The following HOMER2 variants were observed in gnomAD, a reference collection of about 807,000 sequenced individuals.
The protein encoded by HOMER2 is homer scaffold protein 2.
A neutral mutation model predicts 47.0 loss-of-function variants in HOMER2; 27 were observed. The observed-to-expected ratio is 0.57, with a 90% CI of 0.42 to 0.79. HOMER2 has a LOEUF of 0.79. Ranked by LOEUF, HOMER2 falls within the 30% of genes least tolerant of loss-of-function variation. HOMER2 has a pLI of 0.00. For missense variants in HOMER2, 443 were observed against 435.0 expected (o/e 1.02, Z -0.16); for synonymous variants, 161 against 163.8 (o/e 0.98, Z 0.13).
intron 2 of HOMER2, among the ~76,000 whole-genome samples, chr15:82,880,283 ACT>A (rs569634268): frequency 6.6e-4 from 100 of 152,280 alleles, no homozygotes; most frequent in Non-Finnish European, 1.3e-3. Flanking sequence ...TTTAAAAATT[ACT>A]CTCTGACCCT....
At chr15:82,868,542 T>TATATATATATATATATATATATATATA (rs370867216) in intron 3 of HOMER2, among the ~76,000 whole-genome samples, 20 of 42,656 alleles carry the variant, frequency 4.7e-4, no homozygotes, top group African/African-American at 1.2e-3. Context: ...TATATATATA[T>TATATATATATATATATATATATATATA]TTTTTTTTTT....
In HOMER2 at chr15:82,868,742, G is replaced by T. The variant is rs2052076660; in HGVS notation, c.295-4483C>A. On this transcript the variant is annotated intron_variant, in intron 3 of 8. Coordinates refer to ENST00000450735, the MANE Select transcript of HOMER2 (RefSeq NM_004839.4). The stretch of plus-strand genomic sequence containing the variant: ...AATTTTGTATTTTTAGTAGAGACGG[G>T]GCTTCACCATGTTGGCCAGGCTAGT... Among the ~76,000 whole-genome samples, 5 of 150,728 alleles carry T rather than the reference G, an allele frequency of 3.3e-5. No homozygotes were observed. The South Asian group carries it at 1.1e-3, about 32-fold the overall frequency.
chr15:82,985,659 G>C (rs963692387), intron 1 of HOMER2: 2 of 152,216 alleles, frequency 1.3e-5, no homozygotes, highest in Admixed American at 6.5e-5. Context: ...TTATACATTT[G>C]CTGAACATCC....
intron 1 of HOMER2, among the ~76,000 whole-genome samples, chr15:82,934,697 C>T (rs2054101770): frequency 6.6e-6 from 1 of 152,188 alleles, no homozygotes; most frequent in Admixed American, 6.5e-5. Context: ...ATGCCTTCTG[C>T]CACCTGCTTC....
upstream of HOMER2, chr15:82,986,135 G>A (rs185792449): frequency 1.5e-4 from 148 of 984,904 alleles, no homozygotes; most frequent in African/African-American, 2.4e-3. Context: ...GTTGCAAAGC[G>A]ATCCACACGG....
In HOMER2 at chr15:82,863,660, T is replaced by C. The variant is rs1215989659; in HGVS notation, c.387+507A>G. Reference sequence around the variant, plus strand: ...TGGGTGTGTTGATTTCAGATTAAAATAGGTCCTTTTCAGTCAATCTTCACA... The same window carrying C: ...TGGGTGTGTTGATTTCAGATTAAAACAGGTCCTTTTCAGTCAATCTTCACA... On this transcript the variant is annotated intron_variant, in intron 4 of 8. Coordinates refer to ENST00000450735, the MANE Select transcript of HOMER2 (RefSeq NM_004839.4). Among the ~76,000 whole-genome samples, 4 of 152,192 alleles carry C rather than the reference T, an allele frequency of 2.6e-5. No individual in the cohort carries two copies. The East Asian group carries it at 7.7e-4, about 29-fold the overall frequency.
downstream of HOMER2, chr15:82,844,463 T>C (rs762570552): frequency 6.6e-6 from 1 of 152,156 alleles, no homozygotes; most frequent in Non-Finnish European, 1.5e-5. Flanking sequence ...CTATTCACAA[T>C]ATAGCATTAA....
chr15:82,936,789 G>C (rs1015355748), intron 1 of HOMER2, among the ~76,000 whole-genome samples: 1 of 151,540 alleles, frequency 6.6e-6, no homozygotes, highest in Non-Finnish European at 1.5e-5. Flanking sequence ...GAACTCCTGA[G>C]CTCAAGTGAT....
chr15:82,981,792 T>C lies in HOMER2; in HGVS notation n.82+3995A>G, dbSNP rs1332564777. ...ATGTATTTCACTTGCATGAGGTACC[T>C]AGAGTAGTCAAATTCATAAAGATAA... is the stretch of plus-strand genomic sequence containing the variant. On this transcript the variant is annotated intron_variant and non_coding_transcript_variant, in intron 1 of 1. Transcript: ENST00000500334. 4.6e-5 allele frequency among the ~76,000 whole-genome samples: 7 copies of C among 152,306 alleles called. No individual in the cohort carries two copies. In the East Asian group the frequency reaches 1.3e-3, roughly 29 times the overall value.
chr15:82,942,717 C>T (rs2054291047), intron 1 of HOMER2, among the ~76,000 whole-genome samples: 1 of 152,192 alleles, frequency 6.6e-6, no homozygotes, highest in Non-Finnish European at 1.5e-5. Flanking sequence ...ACACTTGCAC[C>T]TCCCTGTAAA....
At chr15:82,932,852 AC>A (rs2054047940) in intron 1 of HOMER2, among the ~76,000 whole-genome samples, 1 of 151,972 alleles carries the variant, frequency 6.6e-6, no homozygotes, top group Non-Finnish European at 1.5e-5. Flanking sequence ...CCCTGTGCAC[AC>A]CCCAACTGTG....
chr15:82,857,670 A>G (rs1470399031), intron 5 of HOMER2, among the ~76,000 whole-genome samples: 1 of 151,978 alleles, frequency 6.6e-6, no homozygotes, highest in Non-Finnish European at 1.5e-5. Context: ...ACCTCAAGTG[A>G]TCCAGCCACC....
chr15:82,976,298 T>A (rs1385796303), intron 1 of HOMER2, among the ~76,000 whole-genome samples: 1 of 151,918 alleles, frequency 6.6e-6, no homozygotes, highest in East Asian at 1.9e-4. Context: ...TTTATTTATT[T>A]ATTTATTTAT....
chr15:82,865,361 C>T (rs137997918), intron 3 of HOMER2, among the ~76,000 whole-genome samples: 2 of 152,208 alleles, frequency 1.3e-5, no homozygotes, highest in East Asian at 3.9e-4. Flanking sequence ...TGGCAGGGTC[C>T]ACATCTTTCC....
Position 82,860,952 on chromosome 15 carries a change from A to AGAGAGAGAG in HOMER2, c.388-1818_388-1817insCTCTCTCTC, listed in dbSNP as rs56193557. On this transcript the variant is annotated intron_variant, in intron 4 of 8. Coordinates refer to ENST00000450735, the MANE Select transcript of HOMER2 (RefSeq NM_004839.4). The stretch of plus-strand genomic sequence containing the variant: ...ACTCTGTCTCAAAGATAGAAGATAG[A>AGAGAGAGAG]AGATGAGAGAGAGAGAGAGAGAGAG... Among the ~76,000 whole-genome samples, 361 of 105,998 alleles carry AGAGAGAGAG rather than the reference A, an allele frequency of 3.4e-3. 19 individuals are homozygous for AGAGAGAGAG. In the East Asian group the frequency reaches 0.048, roughly 14 times the overall value. 69.5% of individuals were successfully genotyped at this position (105,998 alleles called of 152,430 possible).
At chr15:82,848,913 T>C (rs1037978622), downstream of HOMER2, 2 of 152,276 alleles carry the variant, frequency 1.3e-5, no homozygotes, top group Non-Finnish European at 2.9e-5. Flanking sequence ...ACAGCAAAGA[T>C]GGTGCATCAT....
intron 1 of HOMER2, among the ~76,000 whole-genome samples, chr15:82,909,762 G>A (rs933240284): frequency 5.9e-5 from 9 of 152,186 alleles, no homozygotes; most frequent in African/African-American, 2.2e-4. Flanking sequence ...TCCACTCTTG[G>A]ATTTTAAAGG....
At chr15:82,942,714 C>T (rs2054290943) in intron 1 of HOMER2, among the ~76,000 whole-genome samples, 1 of 152,216 alleles carries the variant, frequency 6.6e-6, no homozygotes, top group Non-Finnish European at 1.5e-5. Flanking sequence ...TCCACACTTG[C>T]ACCTCCCTGT....
intron 1 of HOMER2, 46 bp from the exon 2 acceptor site, chr15:82,892,887 T>C: frequency 7.1e-7 from 1 of 1,404,084 alleles, no homozygotes; most frequent in Non-Finnish European, 9.5e-7. Context: ...CATGACTTAA[T>C]GTATAATTTA....
Sources: gnomAD v4.1 joint callset for allele counts (sites outside exome capture counted in the v4.1 genomes callset) on GRCh38, gnomAD v4.1.1 for gene constraint, MANE v1.5 for transcripts, NCBI Gene and HGNC (gene_info 2026-07-23, HGNC 2026-07-21) for gene names.